The following PHACTR4 variants were observed in gnomAD, a reference collection of about 807,000 sequenced individuals.
PHACTR4 encodes the protein phosphatase and actin regulator 4.
Under a neutral mutation model 72.7 loss-of-function variants are expected in PHACTR4, and 51 were observed. The observed-to-expected ratio is 0.70, with a 90% confidence interval of 0.56 to 0.89. The LOEUF is 0.89. Ranked by LOEUF, PHACTR4 falls within the 40% of genes least tolerant of loss-of-function variation. PHACTR4 has a pLI of 0.00. For synonymous variants in PHACTR4, 255 were observed against 302.5 expected (o/e 0.84, Z 1.63); for missense variants, 731 against 861.8 (o/e 0.85, Z 1.90).
At chr1:28,395,688 G>T in intron 1 of PHACTR4, among the ~76,000 whole-genome samples, 2 of 143,886 alleles carry the variant, frequency 1.4e-5, no homozygotes, top group East Asian at 2.0e-4. Context: ...CGCCCAGGCT[G>T]GAGTGCAATG....
chr1:28,444,214 CTTTTTTTTTTTTTTTTTTT>C (rs746642128), intron 2 of PHACTR4, among the ~76,000 whole-genome samples: 1 of 41,088 alleles, frequency 2.4e-5, no homozygotes, highest in Non-Finnish European at 4.9e-5. Flanking sequence ...ATATATTTGG[CTTTTTTTTTTTTTTTTTTT>C]TTTTTTTTTT....
intron 10 of PHACTR4, among the ~76,000 whole-genome samples, chr1:28,490,573 C>T (rs1306510946): frequency 6.6e-5 from 10 of 150,904 alleles, no homozygotes; most frequent in Non-Finnish European, 1.3e-4. Context: ...GGGCTGGGCA[C>T]GGTGGCTCAC....
At position 28,378,339 on chromosome 1, in the gene PHACTR4, T is replaced by TAA. The variant is rs564072221; in HGVS notation, c.-39+8528_-39+8529dup. On this transcript the variant is annotated intron_variant, in intron 1 of 13. Transcript: ENST00000373839. ...TAACATGGTGAAACCCCGTCTCTAC[T>TAA]AAAAAAAAAAAAAAATTGGCTGCGT... Among the ~76,000 whole-genome samples the TAA allele has an allele frequency of 5.1e-4, 69 of 134,984 alleles. 1 individual carries two copies. Among genetic ancestry groups the TAA allele is most frequent in the African/African-American group, 7.6e-4 (28 of 36,638 alleles). 88.6% of individuals were successfully genotyped at this position (134,984 alleles called of 152,430 possible).
Position 28,473,764 on chromosome 1 carries a change from C to G in PHACTR4, c.1034C>G (p.Pro345Arg). 1.9e-6 allele frequency: 3 copies of G among 1,614,062 alleles called. No individual in the cohort carries two copies. The highest frequency in any genetic ancestry group is 1.7e-5 in the Admixed American group (1 of 59,990). ...ATGATCTCACCTCGCTCTCCGTCCC[C>G]CCCACTGCCTACTCATATACCTCCA... ...LPMISPRSPS[P>R]PLPTHIPPEP... Residue 345 changes from proline (P) to arginine (R), a missense_variant, in exon 7 of 14, where the codon CCC becomes CGC. Around this residue, in one of 2 missense-constraint regions of PHACTR4, gnomAD observed 621 missense variants for 676.6 expected, o/e 0.92. Coordinates refer to ENST00000373839, the MANE Select transcript of PHACTR4 (RefSeq NM_001048183.3).
In PHACTR4 at chr1:28,496,521, T is replaced by G. The variant is rs541684896; in HGVS notation, c.2094-13T>G. On this transcript the variant is annotated splice_polypyrimidine_tract_variant and intron_variant, in intron 13 of 13. Transcript: ENST00000373839. The stretch of plus-strand genomic sequence containing the variant: ...ATCATGTGGTAACTTGTCTCTTTTT[T>G]AATCTCTTTTAGCTACCATCGTCCA... 145 of 1,613,772 alleles carry G rather than the reference T, an allele frequency of 9.0e-5. 8 individuals carry two copies. The South Asian group carries it at 1.6e-3, about 18-fold the overall frequency.
intron 4 of PHACTR4, among the ~76,000 whole-genome samples, chr1:28,463,836 A>G (rs1658968049): frequency 2.0e-5 from 3 of 152,064 alleles, no homozygotes; most frequent in Admixed American, 2.0e-4. Context: ...GGGTTCAAAC[A>G]GTCCTCCCAC....
intron 9 of PHACTR4, among the ~76,000 whole-genome samples, chr1:28,488,272 C>T (rs907144693): frequency 6.6e-6 from 1 of 150,592 alleles, no homozygotes; most frequent in Admixed American, 6.6e-5. Flanking sequence ...CCGAGGCAGG[C>T]GGATCACAAG....
At chr1:28,455,694 A>G (rs1658339747) in intron 2 of PHACTR4, among the ~76,000 whole-genome samples, 1 of 152,152 alleles carries the variant, frequency 6.6e-6, no homozygotes. Context: ...GAGATTCTGT[A>G]TTTTGAAAAG....
chr1:28,436,785 G>T (rs929197187), intron 2 of PHACTR4, among the ~76,000 whole-genome samples: 2 of 152,036 alleles, frequency 1.3e-5, no homozygotes, highest in African/African-American at 4.8e-5. Flanking sequence ...AGTTAGTTAC[G>T]GATAAAAAAG....
chr1:28,480,373 C>T (rs1204114041), intron 8 of PHACTR4, 78 bp from the exon 9 acceptor site: 1 of 1,524,756 alleles, frequency 6.6e-7, no homozygotes, highest in African/African-American at 1.4e-5. Flanking sequence ...TGTTCAGACT[C>T]TTGACTAGCT....
At chr1:28,491,238 G>T (rs979103283) in intron 11 of PHACTR4, among the ~76,000 whole-genome samples, 1 of 149,756 alleles carries the variant, frequency 6.7e-6, no homozygotes, top group Non-Finnish European at 1.5e-5. Flanking sequence ...AGAAAGAAAA[G>T]AAAAAGAAAA....
At chr1:28,403,162 T>A (rs1341451457) in intron 1 of PHACTR4, among the ~76,000 whole-genome samples, 1 of 152,074 alleles carries the variant, frequency 6.6e-6, no homozygotes, top group East Asian at 1.9e-4. Flanking sequence ...GAAGAATGCT[T>A]ATTAGGAAGT....
At chr1:28,453,593 G>C in intron 2 of PHACTR4, 1 of 986,166 alleles carries the variant, frequency 1.0e-6, no homozygotes, top group South Asian at 1.4e-5. Context: ...CACAGTGGAT[G>C]CATTTCTGAC....
intron 1 of PHACTR4, among the ~76,000 whole-genome samples, chr1:28,405,947 TTCTA>T (rs1276639271): frequency 6.6e-6 from 1 of 152,148 alleles, no homozygotes; most frequent in East Asian, 1.9e-4. Context: ...GAACCCAGAT[TTCTA>T]TCTATCTTAG....
intron 4 of PHACTR4, 45 bp from the exon 5 acceptor site, chr1:28,465,640 G>T: frequency 6.4e-7 from 1 of 1,566,826 alleles, no homozygotes; most frequent in Non-Finnish European, 8.6e-7. Context: ...CTTTCTATCT[G>T]TTCATGCCAA....
At chr1:28,443,551 G>T (rs533522916) in intron 2 of PHACTR4, among the ~76,000 whole-genome samples, 2 of 151,514 alleles carry the variant, frequency 1.3e-5, no homozygotes, top group South Asian at 4.2e-4. Context: ...AGATTCAAGC[G>T]ATCCTCCCCC....
At chr1:28,385,616 T>A (rs534903875) in intron 1 of PHACTR4, among the ~76,000 whole-genome samples, 36,350 of 132,666 alleles carry the variant, frequency 0.27, 6,589 homozygotes, top group African/African-American at 0.53. Flanking sequence ...TTAAGTGAAT[T>A]TTTTTTTTTT....
intron 1 of PHACTR4, among the ~76,000 whole-genome samples, chr1:28,392,293 C>G (rs1346318783): frequency 6.6e-6 from 1 of 152,084 alleles, no homozygotes; most frequent in Non-Finnish European, 1.5e-5. Flanking sequence ...CAAATTAACT[C>G]AGGCTATTGC....
intron 13 of PHACTR4, 43 bp downstream of exon 13, chr1:28,493,134 T>G (rs1333300836): frequency 6.4e-7 from 1 of 1,552,072 alleles, no homozygotes; most frequent in African/African-American, 1.4e-5. Flanking sequence ...TAGGTAGAGT[T>G]TTCCAAAAAA....
Sources: gnomAD v4.1 joint callset for allele counts (sites outside exome capture counted in the v4.1 genomes callset) on GRCh38, gnomAD v4.1.1 for gene constraint, gnomAD v4.1.1 regional missense constraint, MANE v1.5 for transcripts, NCBI Gene and HGNC (gene_info 2026-07-23, HGNC 2026-07-21) for gene names.